The following NEK10 variants were observed in gnomAD, a reference collection of about 807,000 sequenced individuals.
NEK10 encodes NIMA related kinase 10.
Under a neutral mutation model 159.8 loss-of-function variants are expected in NEK10, and 122 were observed. The ratio of observed to expected loss-of-function variants is 0.76; its 90% CI spans 0.66 to 0.89. The LOEUF (loss-of-function observed/expected upper bound fraction) is 0.89, where lower values mean the gene tolerates loss of function less well. NEK10 is among the 40% of genes least tolerant of loss of function. The pLI is 0.00. For missense variants in NEK10, 1,342 were observed against 1,323.1 expected, an observed-to-expected ratio of 1.01 and a Z score of -0.22; for synonymous variants, 466 against 457.1, an observed-to-expected ratio of 1.02 and a Z score of -0.25.
chr3:27,247,501 G>A (rs1400717841), intron 23 of NEK10, among the ~76,000 whole-genome samples: 3 of 152,058 alleles, frequency 2.0e-5, no homozygotes, highest in African/African-American at 7.2e-5. Context: ...TTAATGTATT[G>A]TTGGATTTGA....
chr3:27,235,087 T>C (rs970595047), intron 23 of NEK10, among the ~76,000 whole-genome samples: 1 of 152,100 alleles, frequency 6.6e-6, no homozygotes, highest in African/African-American at 2.4e-5. Flanking sequence ...ACTGAACCCC[T>C]TTCTTATACC....
At chr3:27,325,705 G>T (rs925603448) in intron 5 of NEK10, among the ~76,000 whole-genome samples, 2 of 152,182 alleles carry the variant, frequency 1.3e-5, no homozygotes, top group Admixed American at 1.3e-4. Context: ...TGGGAAGGAG[G>T]TTGATAGGTA....
chr3:27,205,136 C>T lies in NEK10; in HGVS notation c.2091-2579G>A, dbSNP rs570809485. On this transcript the variant is annotated intron_variant, in intron 23 of 35. Transcript: ENST00000691995. ...TTGAGAAGTGTCTGTTCATGTCCTT[C>T]GCCCACTTTTTGATGGGGTTGAAGG... Among the ~76,000 whole-genome samples the T allele has an allele frequency of 3.9e-4, 60 of 152,130 alleles. No homozygotes were observed. The South Asian group carries it at 4.6e-3, about 12-fold the overall frequency.
intron 1 of NEK10, among the ~76,000 whole-genome samples, chr3:27,368,424 T>C (rs570461392): frequency 6.6e-5 from 10 of 152,194 alleles, no homozygotes; most frequent in Middle Eastern, 3.4e-3. Context: ...CAGATGGGTG[T>C]TGAATTTAAC....
intron 32 of NEK10, among the ~76,000 whole-genome samples, chr3:27,130,289 C>T (rs1412193936): frequency 6.6e-6 from 1 of 152,174 alleles, no homozygotes; most frequent in Non-Finnish European, 1.5e-5. Context: ...CTCACCCATG[C>T]TTCCCAAACA....
chr3:27,131,607 G>C (rs1423691374), intron 32 of NEK10, among the ~76,000 whole-genome samples: 2 of 152,020 alleles, frequency 1.3e-5, no homozygotes, highest in Non-Finnish European at 2.9e-5. Flanking sequence ...TCTAGAAGAG[G>C]CTAAAATATA....
At chr3:27,267,072 C>A (rs922404993) in intron 22 of NEK10, among the ~76,000 whole-genome samples, 7 of 152,204 alleles carry the variant, frequency 4.6e-5, no homozygotes, top group Admixed American at 1.3e-4. Context: ...TAGTTAGTCT[C>A]AGGAGCACCC....
chr3:27,143,614 G>T (rs945578231), intron 30 of NEK10: 1 of 480,962 alleles, frequency 2.1e-6, no homozygotes, highest in Admixed American at 3.9e-5. Context: ...TTGACTTCTG[G>T]AAATACTTTT....
rs1020834143 is a variant in NEK10, at chr3:27,245,923, G to T, written c.2090+10373C>A. 3.9e-5 allele frequency among the ~76,000 whole-genome samples: 6 copies of T among 152,066 alleles called. No homozygotes were observed. The South Asian group carries it at 1.2e-3, about 32-fold the overall frequency. On this transcript the variant is annotated intron_variant, in intron 23 of 35. Coordinates refer to ENST00000691995, the MANE Select transcript of NEK10 (RefSeq NM_001394966.1). ...GGGAAATACTATACATAACCACTAG[G>T]TATTAAATGTTCAAAATGACAAAGT...
intron 11 of NEK10, among the ~76,000 whole-genome samples, chr3:27,306,235 C>T (rs1363638801): frequency 1.3e-5 from 2 of 152,084 alleles, no homozygotes; most frequent in African/African-American, 4.8e-5. Flanking sequence ...TTTTGAACAC[C>T]AGGCAGCTAG....
chr3:27,307,984 T>C, intron 10 of NEK10, 39 bp from the exon 11 acceptor site: 1 of 986,190 alleles, frequency 1.0e-6, no homozygotes, highest in Non-Finnish European at 1.6e-6. Context: ...TAAAAGCATA[T>C]TTTGCTAGAT....
intron 31 of NEK10, among the ~76,000 whole-genome samples, chr3:27,136,825 T>A (rs1338435631): frequency 3.3e-5 from 5 of 152,200 alleles, no homozygotes; most frequent in Non-Finnish European, 5.9e-5. Flanking sequence ...CAACCAAAAG[T>A]AAGAAGTTTT....
intron 23 of NEK10, among the ~76,000 whole-genome samples, chr3:27,205,245 G>C (rs1950437917): frequency 6.7e-6 from 1 of 149,148 alleles, no homozygotes; most frequent in Non-Finnish European, 1.5e-5. Flanking sequence ...ATGCTCATGG[G>C]TAGGAAGAAT....
intron 25 of NEK10, among the ~76,000 whole-genome samples, chr3:27,197,792 CTTTCT>C (rs956407532): frequency 7.2e-5 from 9 of 124,634 alleles, no homozygotes; most frequent in African/African-American, 3.3e-4. Flanking sequence ...CCAGTACTTT[CTTTCT>C]TTTTTTTTTT....
chr3:27,220,715 C>G (rs777538606), intron 23 of NEK10, among the ~76,000 whole-genome samples: 1 of 151,878 alleles, frequency 6.6e-6, no homozygotes, highest in Non-Finnish European at 1.5e-5. Context: ...ACAGAACAGC[C>G]AAGATAATTT....
intron 32 of NEK10, among the ~76,000 whole-genome samples, chr3:27,127,025 C>CA (rs1373212293): frequency 2.0e-5 from 3 of 149,564 alleles, no homozygotes; most frequent in African/African-American, 7.7e-5. Flanking sequence ...AACAAACAAA[C>CA]AAAAAACCCA....
intron 23 of NEK10, among the ~76,000 whole-genome samples, chr3:27,245,455 T>C (rs1226715556): frequency 6.6e-6 from 1 of 152,166 alleles, no homozygotes; most frequent in African/African-American, 2.4e-5. Context: ...AGCTTTTACT[T>C]TCTTGGAATG....
At position 27,309,016 on chromosome 3, in the gene NEK10, A is replaced by G. The variant is rs748170101; in HGVS notation, c.637-11T>C. ...TAAATTTACTAATGTCTGAAAAATG[A>G]AGTAAAATAAAGTTTAATTATATAA... On this transcript the variant is annotated splice_polypyrimidine_tract_variant and intron_variant, in intron 9 of 35. Transcript: ENST00000691995. The G allele has an allele frequency of 7.2e-7, 1 of 1,388,938 alleles. No homozygotes were observed. Among genetic ancestry groups the G allele is most frequent in the Admixed American group, 1.7e-5 (1 of 57,514 alleles). The allele number at this position is 1,388,938 out of a possible 1,614,324, so 86.0% of individuals were successfully genotyped here.
At position 27,369,147 on chromosome 3, in the gene NEK10, G is replaced by C. The variant is rs1024145998; in HGVS notation, c.-38+78C>G. ...CGAGGCTTCGGGGCCGCTCCACAGGGACCTGAGGACGTCTCCCCGGAGACC... is the reference window on the plus strand; with the variant it reads ...CGAGGCTTCGGGGCCGCTCCACAGGCACCTGAGGACGTCTCCCCGGAGACC... On this transcript the variant is annotated intron_variant, in intron 1 of 35. Transcript: ENST00000691995. This position sits in a 1 kb window ranked among gnomAD's most constrained non-coding sequence, Gnocchi z 4.2. The C allele has an allele frequency of 5.9e-5, 9 of 152,370 alleles. No individual in the cohort carries two copies. Among genetic ancestry groups the C allele is most frequent in the Non-Finnish European group, 1.0e-4 (7 of 68,098 alleles). The allele number at this position is 152,370 out of a possible 1,614,324, so 9.4% of individuals were successfully genotyped here.
Sources: allele counts gnomAD v4.1 joint callset (sites outside exome capture counted in the v4.1 genomes callset), GRCh38; gene constraint gnomAD v4.1.1; non-coding constraint Gnocchi (gnomAD v3.1); transcripts MANE v1.5; gene names NCBI Gene and HGNC (gene_info 2026-07-23, HGNC 2026-07-21).